Variants in SYDE1 observed in about 807,000 individuals in gnomAD.
SYDE1 encodes the protein synapse defective Rho GTPase activating protein 1, also known as rho GTPase-activating protein SYDE1.
Under a neutral mutation model 63.3 loss-of-function variants are expected in SYDE1, and 34 were observed. The ratio of observed to expected loss-of-function variants is 0.54; its 90% CI spans 0.41 to 0.71. The LOEUF is 0.71. SYDE1 is among the 30% of genes least tolerant of loss of function. The pLI, the probability that SYDE1 is intolerant of heterozygous loss-of-function variation, is 0.00. For synonymous variants in SYDE1, 467 were observed against 473.4 expected, an observed-to-expected ratio of 0.99 and a Z score of 0.18; for missense variants, 925 against 1,042.5, an observed-to-expected ratio of 0.89 and a Z score of 1.55.
In SYDE1 at chr19:15,109,753, G is replaced by A. The variant is rs762388922; in HGVS notation, c.480G>A (p.Pro160=). The A allele has an allele frequency of 4.6e-6, 7 of 1,536,456 alleles. No homozygotes were observed. Among genetic ancestry groups the A allele is most frequent in the Non-Finnish European group, 3.5e-6 (4 of 1,142,728 alleles). The change falls in exon 3 of 8, where the codon CCG becomes CCA. Residue 160 remains proline, a synonymous_variant. Coordinates refer to ENST00000342784, the MANE Select transcript of SYDE1 (RefSeq NM_033025.6). The surrounding 1 kb of genome is among the most constrained non-coding windows in gnomAD (Gnocchi z 5.0). The stretch of plus-strand genomic sequence containing the variant: ...CCAAAGCCTCCCGCACCAAGTCCCC[G>A]GGCCCCGCCAGGCGCCTCTCCATAA... ...PPTKASRTKS[P]GPARRLSIKM... is the part of the protein sequence containing the mutation.
chr19:15,111,006 A>T lies in SYDE1; in HGVS notation c.1290+271A>T, dbSNP rs1211018413. 2.0e-5 allele frequency among the ~76,000 whole-genome samples: 3 copies of T among 152,190 alleles called. No homozygotes were observed. The highest frequency in any genetic ancestry group is 4.8e-5 in the African/African-American group (2 of 41,442). On this transcript the variant is annotated intron_variant, in intron 4 of 7. Transcript: ENST00000342784. The surrounding 1 kb of genome is among the most constrained non-coding windows in gnomAD (Gnocchi z 5.5). ...TACGACTCTAGTCATTCACAAATGT[A>T]AAACTATAACTGGGACTGGAGTTGG...
rs1235943166 is a variant in SYDE1 at position 15,111,623 on chromosome 19, T to C, written c.1418-9T>C. On this transcript the variant is annotated splice_polypyrimidine_tract_variant and intron_variant, in intron 5 of 7. Transcript: ENST00000342784. This position sits in a 1 kb window ranked among gnomAD's most constrained non-coding sequence, Gnocchi z 5.5. Reference sequence around the variant, plus strand: ...GGTGCCCTGACCAGAGGGGACCCTGTGTTCACAGGCATCCTCAAGGATTAT... The same window carrying C: ...GGTGCCCTGACCAGAGGGGACCCTGCGTTCACAGGCATCCTCAAGGATTAT... 4.3e-6 allele frequency: 7 copies of C among 1,613,656 alleles called. No homozygotes were observed. In the Admixed American group the frequency reaches 5.0e-5, roughly 12 times the overall value.
At position 15,108,953 on chromosome 19, in the gene SYDE1, G is replaced by T; in HGVS notation, c.89-103G>T. 1 of 1,415,892 alleles carries T rather than the reference G, an allele frequency of 7.1e-7. No homozygotes were observed. The allele number at this position is 1,415,892 out of a possible 1,614,324, so 87.7% of individuals were successfully genotyped here. A position where few individuals can be genotyped will look rare whatever the true frequency, so the allele number is the denominator to read the frequency against. The stretch of plus-strand genomic sequence containing the variant: ...AAGGAACCATGACTTATCAGGGGCC[G>T]GCCAGGGCCGTACACAGCATCCCAC... On this transcript the variant is annotated intron_variant, in intron 1 of 7. Transcript: ENST00000342784. The surrounding 1 kb of genome is among the most constrained non-coding windows in gnomAD (Gnocchi z 4.3).
Position 15,114,345 on chromosome 19 carries a change from T to A in SYDE1, c.*382T>A, listed in dbSNP as rs1348790776. 1 of 228,674 alleles carries A rather than the reference T, an allele frequency of 4.4e-6. No homozygotes were observed. Among genetic ancestry groups the A allele is most frequent in the African/African-American group, 2.3e-5 (1 of 43,446 alleles). The allele number at this position is 228,674 out of a possible 1,614,324, so 14.2% of individuals were successfully genotyped here. On this transcript the variant is annotated 3_prime_UTR_variant, in exon 8 of 8. Coordinates refer to ENST00000342784, the MANE Select transcript of SYDE1 (RefSeq NM_033025.6). ...TCACCCTGGTGTGGTGAGTCACCTC[T>A]AGTCGGCCCTCTTGCTGCTGCCAAC...
rs1353630839 is a variant in SYDE1, at chr19:15,109,116, G to T, written c.149G>T (p.Gly50Val). The T allele has an allele frequency of 1.1e-5, 17 of 1,546,018 alleles. No individual in the cohort carries two copies. The South Asian group carries it at 1.9e-4, about 17-fold the overall frequency. ...GAGCCAGAGCCCCAGGCTCCCGAAGGGTCCCAGGCCGGAGCAGAGGGGCCC... is the reference window on the plus strand; with the variant it reads ...GAGCCAGAGCCCCAGGCTCCCGAAGTGTCCCAGGCCGGAGCAGAGGGGCCC... Reference protein sequence around the residue: ...PPEPEPQAPEGSQAGAEGPSS... With the variant: ...PPEPEPQAPEVSQAGAEGPSS... Residue 50 changes from glycine to valine, a missense_variant, in exon 2 of 8, where the codon GGG (glycine) becomes GTG (valine). Physicochemically the swap from Gly to Val is moderately radical, Grantham distance 109. Around this residue, in one of 3 missense-constraint regions of SYDE1, gnomAD observed 599 missense variants for 653.7 expected, o/e 0.92. Coordinates refer to ENST00000342784, the MANE Select transcript of SYDE1 (RefSeq NM_033025.6). The surrounding 1 kb of genome is among the most constrained non-coding windows in gnomAD (Gnocchi z 5.0).
chr19:15,111,699 A>G lies in SYDE1; in HGVS notation c.1485A>G (p.Val495=). The change falls in exon 6 of 8, where the codon GTA becomes GTG. Residue 495 remains valine, a synonymous_variant. Coordinates refer to ENST00000342784, the MANE Select transcript of SYDE1 (RefSeq NM_033025.6). The surrounding 1 kb of genome is among the most constrained non-coding windows in gnomAD (Gnocchi z 5.5). ...TCACCCAGCCCCTGTATAAGGTGGT[A>G]CTGGAGGCCATGGCCCGGGACCCCC... ...PLITQPLYKV[V]LEAMARDPPN... The G allele has an allele frequency of 6.2e-7, 1 of 1,613,256 alleles. No individual in the cohort carries two copies. Among genetic ancestry groups the G allele is most frequent in the Non-Finnish European group, 8.5e-7 (1 of 1,179,580 alleles).
Position 15,110,324 on chromosome 19 carries a change from G to A in SYDE1, c.1051G>A (p.Val351Met), listed in dbSNP as rs1599323067. 6 of 1,429,568 alleles carry A rather than the reference G, an allele frequency of 4.2e-6. No individual in the cohort carries two copies. In the South Asian group the frequency reaches 6.0e-5, roughly 14 times the overall value. The allele number at this position is 1,429,568 out of a possible 1,614,324, so 88.6% of individuals were successfully genotyped here. ...RRHRPCAQGT[V>M]LLPTVFRGCQ... The stretch of plus-strand genomic sequence containing the variant: ...GCACCGGCCCTGTGCCCAGGGCACC[G>A]TGCTGCTGCCCACGGTCTTCCGAGG... The change falls in exon 3 of 8, where the codon GTG (valine) becomes ATG (methionine). Residue 351 changes from valine (V) to methionine (M), a missense_variant. Physicochemically the swap from Val to Met is conservative, Grantham distance 21. Coordinates refer to ENST00000342784, the MANE Select transcript of SYDE1 (RefSeq NM_033025.6). This position sits in a 1 kb window ranked among gnomAD's most constrained non-coding sequence, Gnocchi z 6.9.
Position 15,114,074 on chromosome 19 carries a change from T to G in SYDE1, c.*111T>G. On this transcript the variant is annotated 3_prime_UTR_variant, in exon 8 of 8. Transcript: ENST00000342784. ...CCTGTTGCTCAGGCCGAGCTCCTGG[T>G]TGCCAGCGAGTTACCACGGGACCAG... 1 of 1,156,164 alleles carries G rather than the reference T, an allele frequency of 8.6e-7. No homozygotes were observed. Among genetic ancestry groups the G allele is most frequent in the Non-Finnish European group, 1.2e-6 (1 of 815,980 alleles). The allele number at this position is 1,156,164 out of a possible 1,614,324, so 71.6% of individuals were successfully genotyped here. A position where few individuals can be genotyped will look rare whatever the true frequency, so the allele number is the denominator to read the frequency against.
chr19:15,112,677 A>C, intron 7 of SYDE1, 106 bp downstream of exon 7: 3 of 974,422 alleles, frequency 3.1e-6, no homozygotes, highest in Non-Finnish European at 4.5e-6. Flanking sequence ...ACGCCCCCTC[A>C]TGGAGTAAAC....
rs773462650 is a variant in SYDE1, at chr19:15,111,618, C to A, written c.1418-14C>A. The stretch of plus-strand genomic sequence containing the variant: ...CCAGTGGTGCCCTGACCAGAGGGGA[C>A]CCTGTGTTCACAGGCATCCTCAAGG... On this transcript the variant is annotated splice_polypyrimidine_tract_variant and intron_variant, in intron 5 of 7. Coordinates refer to ENST00000342784, the MANE Select transcript of SYDE1 (RefSeq NM_033025.6). The surrounding 1 kb of genome is among the most constrained non-coding windows in gnomAD (Gnocchi z 5.5). The A allele has an allele frequency of 1.2e-6, 2 of 1,613,478 alleles. No individual in the cohort carries two copies. Among genetic ancestry groups the A allele is most frequent in the Admixed American group, 3.3e-5 (2 of 59,988 alleles).
At position 15,109,962 on chromosome 19, in the gene SYDE1, T is replaced by C; in HGVS notation, c.689T>C (p.Leu230Pro). The C allele has an allele frequency of 6.8e-7, 1 of 1,475,216 alleles. No individual in the cohort carries two copies. The highest frequency in any genetic ancestry group is 8.9e-7 in the Non-Finnish European group (1 of 1,120,980). The allele number at this position is 1,475,216 out of a possible 1,614,324, so 91.4% of individuals were successfully genotyped here. Residue 230 changes from leucine (L) to proline (P), a missense_variant, in exon 3 of 8, where the codon CTC (leucine) becomes CCC (proline). This residue lies in a region of SYDE1 where 599 missense variants were observed against 653.7 expected (regional missense o/e 0.92). Transcript: ENST00000342784. This position sits in a 1 kb window ranked among gnomAD's most constrained non-coding sequence, Gnocchi z 5.0. ...GGTRSPRAGYLSDGDSPERPA... is the reference protein window; with the variant it reads ...GGTRSPRAGYPSDGDSPERPA... ...ACCCGGAGCCCGAGGGCCGGTTACC[T>C]CAGCGACGGGGACTCACCGGAGCGC...
At position 15,114,041 on chromosome 19, in the gene SYDE1, G is replaced by A; in HGVS notation, c.*78G>A. The A allele has an allele frequency of 1.4e-6, 2 of 1,433,662 alleles. No homozygotes were observed. The highest frequency in any genetic ancestry group is 2.3e-5 in the East Asian group (1 of 43,754). The allele number at this position is 1,433,662 out of a possible 1,614,324, so 88.8% of individuals were successfully genotyped here. A position where few individuals can be genotyped will look rare whatever the true frequency, so the allele number is the denominator to read the frequency against. On this transcript the variant is annotated 3_prime_UTR_variant, in exon 8 of 8. Coordinates refer to ENST00000342784, the MANE Select transcript of SYDE1 (RefSeq NM_033025.6). ...AAGGCGGTGCCCTGGTGACCAAGGA[G>A]AGCCAGACCTGTTGCTCAGGCCGAG...
Position 15,110,506 on chromosome 19 carries a change from C to T in SYDE1, c.1076-15C>T. The T allele has an allele frequency of 6.4e-7, 1 of 1,561,230 alleles. No homozygotes were observed. On this transcript the variant is annotated splice_polypyrimidine_tract_variant and intron_variant, in intron 3 of 7. Transcript: ENST00000342784. The surrounding 1 kb of genome is among the most constrained non-coding windows in gnomAD (Gnocchi z 6.9). ...CTTCAGAGCACACCCGGCTCAGGCC[C>T]CCTTGTGTCCTCAGGGTGCCAGGCC...
Position 15,113,627 on chromosome 19 carries a change from G to C in SYDE1, c.1872G>C (p.Leu624=), listed in dbSNP as rs1201580325. Residue 624 remains leucine (L), a synonymous_variant, in exon 8 of 8, where the codon CTG becomes CTC. Coordinates refer to ENST00000342784, the MANE Select transcript of SYDE1 (RefSeq NM_033025.6). ...TGCGACCCAAACGACAGCCACCTCT[G>C]CACCTGCCGCTGGCAGACCCCGAAG... ...PYLRPKRQPP[L]HLPLADPEVV... The C allele has an allele frequency of 1.2e-6, 2 of 1,610,448 alleles. No individual in the cohort carries two copies. The highest frequency in any genetic ancestry group is 1.7e-6 in the Non-Finnish European group (2 of 1,178,400).
rs746372558 is a variant in SYDE1 at position 15,110,729 on chromosome 19, G to A, written c.1284G>A (p.Gly428=). 1 of 1,549,188 alleles carries A rather than the reference G, an allele frequency of 6.5e-7. No individual in the cohort carries two copies. The highest frequency in any genetic ancestry group is 1.2e-5 in the South Asian group (1 of 84,676). The change falls in exon 4 of 8, where the codon GGG becomes GGA. Residue 428 remains glycine (G), a synonymous_variant. Transcript: ENST00000342784. The surrounding 1 kb of genome is among the most constrained non-coding windows in gnomAD (Gnocchi z 6.9). ...GCGTTGGGCAGATCGAGCGCCGAGGGCTGCGGGTGAGCACCCACCCCACCC... is the reference window on the plus strand; with the variant it reads ...GCGTTGGGCAGATCGAGCGCCGAGGACTGCGGGTGAGCACCCACCCCACCC... ...QKCVGQIERR[G]LRVVGLYRLC...
At chr19:15,107,729 T>C (rs1231143894) in intron 1 of SYDE1, among the ~76,000 whole-genome samples, 1 of 146,482 alleles carries the variant, frequency 6.8e-6, no homozygotes, top group East Asian at 2.2e-4. Context: ...TATGTGCTGC[T>C]GGCCGGGGAT....
Position 15,108,463 on chromosome 19 carries a change from G to A in SYDE1, c.89-593G>A, listed in dbSNP as rs2046320518. Among the ~76,000 whole-genome samples the A allele has an allele frequency of 6.6e-6, 1 of 152,112 alleles. No individual in the cohort carries two copies. On this transcript the variant is annotated intron_variant, in intron 1 of 7. Coordinates refer to ENST00000342784, the MANE Select transcript of SYDE1 (RefSeq NM_033025.6). This position sits in a 1 kb window ranked among gnomAD's most constrained non-coding sequence, Gnocchi z 4.3. ...GGTCTGGCCTGGGCTGAGGGACAAG[G>A]GCCCATCCCAGGATGGCGACAGAGT...
In SYDE1 at chr19:15,109,714, C is replaced by T; in HGVS notation, c.441C>T (p.Pro147=). The part of the protein sequence containing the change: ...SEGLAPQGAA[P]ASPPTKASRT... The stretch of plus-strand genomic sequence containing the variant: ...CTGCTCTCCACACAGGTGCAGCCCC[C>T]GCCAGCCCCCCAACCAAAGCCTCCC... Residue 147 remains proline, a synonymous_variant, in exon 3 of 8, where the codon CCC becomes CCT. Transcript: ENST00000342784. This position sits in a 1 kb window ranked among gnomAD's most constrained non-coding sequence, Gnocchi z 5.0. 6.6e-7 allele frequency: 1 copy of T among 1,509,970 alleles called. No individual in the cohort carries two copies. The allele number at this position is 1,509,970 out of a possible 1,614,324, so 93.5% of individuals were successfully genotyped here.
At position 15,114,204 on chromosome 19, in the gene SYDE1, A is replaced by G; in HGVS notation, c.*241A>G. ...ATTTTAGGGACCAGCGGTTGTGACC[A>G]TCTTTCCTGAGCACCAAGGGCTTCC... On this transcript the variant is annotated 3_prime_UTR_variant, in exon 8 of 8. Transcript: ENST00000342784. 2 of 526,008 alleles carry G rather than the reference A, an allele frequency of 3.8e-6. No individual in the cohort carries two copies. The highest frequency in any genetic ancestry group is 5.0e-5 in the South Asian group (2 of 40,030). 32.6% of individuals were successfully genotyped at this position (526,008 alleles called of 1,614,324 possible).
Sources: allele counts gnomAD v4.1 joint callset (sites outside exome capture counted in the v4.1 genomes callset), GRCh38; gene constraint gnomAD v4.1.1; regional missense constraint gnomAD v4.1.1; non-coding constraint Gnocchi (gnomAD v3.1); transcripts MANE v1.5; gene names NCBI Gene and HGNC (gene_info 2026-07-23, HGNC 2026-07-21).